The following ENTHD1 variants were observed in gnomAD, a reference collection of about 807,000 sequenced individuals.
ENTHD1 encodes the protein ENTH domain-containing protein 1.
Under a neutral mutation model 39.1 loss-of-function variants are expected in ENTHD1, and 23 were observed. The ratio of observed to expected loss-of-function variants is 0.59; its 90% CI spans 0.42 to 0.83. ENTHD1 has a LOEUF of 0.83. ENTHD1 is among the 40% of genes least tolerant of loss of function. ENTHD1 has a pLI of 0.00. For synonymous variants in ENTHD1, 230 were observed against 258.2 expected (o/e 0.89, Z 1.05); for missense variants, 624 against 705.4 (o/e 0.88, Z 1.31).
intron 5 of ENTHD1, among the ~76,000 whole-genome samples, chr22:39,801,288 T>C (rs1036963524): frequency 6.6e-6 from 1 of 152,226 alleles, no homozygotes; most frequent in African/African-American, 2.4e-5. Context: ...AGCTCTGTAA[T>C]TGCTGTAGTA....
chr22:39,747,372 G>A (rs1360306671), intron 6 of ENTHD1, among the ~76,000 whole-genome samples: 1 of 152,150 alleles, frequency 6.6e-6, no homozygotes, highest in African/African-American at 2.4e-5. Context: ...AAGGGAATCT[G>A]AAAGAGGCTA....
At chr22:39,875,870 C>T in intron 2 of ENTHD1, 1 of 1,613,962 alleles carries the variant, frequency 6.2e-7, no homozygotes, top group Non-Finnish European at 8.5e-7. Context: ...TGAATTATCA[C>T]AGTTGAGGGA....
At chr22:39,839,619 T>A (rs2065929610) in intron 3 of ENTHD1, among the ~76,000 whole-genome samples, 1 of 152,244 alleles carries the variant, frequency 6.6e-6, no homozygotes, top group East Asian at 1.9e-4. Flanking sequence ...AATGAGCTTA[T>A]TTGGGGCTTG....
At chr22:39,863,108 A>G (rs977657163) in intron 2 of ENTHD1, among the ~76,000 whole-genome samples, 1 of 152,140 alleles carries the variant, frequency 6.6e-6, no homozygotes, top group Non-Finnish European at 1.5e-5. Context: ...AGCCTCCAGA[A>G]CCATGAGAAA....
At chr22:39,820,389 C>T (rs1363107932) in intron 5 of ENTHD1, among the ~76,000 whole-genome samples, 1 of 152,132 alleles carries the variant, frequency 6.6e-6, no homozygotes, top group African/African-American at 2.4e-5. Context: ...GGCAGAAGAT[C>T]TTCCATTCTA....
At position 39,744,076 on chromosome 22, in the gene ENTHD1, C is replaced by G. The variant is rs776491903; in HGVS notation, c.1427G>C (p.Gly476Ala). Residue 476 changes from glycine (G) to alanine (A), a missense_variant, in exon 7 of 7, where the codon GGC (glycine) becomes GCC (alanine). Coordinates refer to ENST00000325157, the MANE Select transcript of ENTHD1 (RefSeq NM_152512.4). ...AKLHHSFASR[G>A]PVSSDVEEND... ...TTCCTCTACATCAGAAGACACTGGG[C>G]CCCTAGAAGCAAAGGAGTGATGCAG... The G allele has an allele frequency of 3.7e-6, 6 of 1,614,078 alleles. No homozygotes were observed. Among genetic ancestry groups the G allele is most frequent in the Non-Finnish European group, 5.1e-6 (6 of 1,179,966 alleles).
intron 5 of ENTHD1, among the ~76,000 whole-genome samples, chr22:39,776,722 G>A (rs1261283867): frequency 6.6e-6 from 1 of 152,182 alleles, no homozygotes; most frequent in Non-Finnish European, 1.5e-5. Flanking sequence ...AAGGACAAAA[G>A]AGAATAGCTA....
chr22:39,760,103 A>G (rs2065220130), intron 6 of ENTHD1, among the ~76,000 whole-genome samples: 1 of 152,042 alleles, frequency 6.6e-6, no homozygotes, highest in Admixed American at 6.5e-5. Flanking sequence ...AAAATAATGT[A>G]TTCTGCAGTG....
chr22:39,830,559 G>A (rs1019893782), intron 4 of ENTHD1, among the ~76,000 whole-genome samples: 14 of 152,046 alleles, frequency 9.2e-5, no homozygotes, highest in Non-Finnish European at 2.9e-5. Context: ...TTCCTTATAG[G>A]AATTCCAGCA....
At chr22:39,815,697 C>T (rs1180343346) in intron 5 of ENTHD1, among the ~76,000 whole-genome samples, 1 of 152,104 alleles carries the variant, frequency 6.6e-6, no homozygotes, top group African/African-American at 2.4e-5. Flanking sequence ...AATGCAAAAA[C>T]AGCATTGTTT....
rs140918120 is a variant in ENTHD1 at position 39,765,593 on chromosome 22, G to T, written c.849C>A (p.Leu283=). ...NLSGADAVPT[L]SENSPSGQRD... ...TCTGCCCAGAAGGACTATTTTCTGA[G>T]AGAGTAGGCACAGCATCTATAAAAG... is the stretch of plus-strand genomic sequence containing the variant. Residue 283 remains leucine (L), a synonymous_variant, in exon 6 of 7, where the codon CTC becomes CTA. Coordinates refer to ENST00000325157, the MANE Select transcript of ENTHD1 (RefSeq NM_152512.4). 13,323 of 1,611,890 alleles carry T rather than the reference G, an allele frequency of 8.3e-3. 75 individuals are homozygous for T. The highest frequency in any genetic ancestry group is 0.01 in the Non-Finnish European group (12,189 of 1,178,978).
chr22:39,877,111 G>T (rs1020028923), intron 2 of ENTHD1, among the ~76,000 whole-genome samples: 1 of 152,152 alleles, frequency 6.6e-6, no homozygotes, highest in Non-Finnish European at 1.5e-5. Context: ...GGTAACTATG[G>T]TGCCCACTCC....
At chr22:39,796,414 C>A (rs1569144210) in intron 5 of ENTHD1, among the ~76,000 whole-genome samples, 2 of 151,876 alleles carry the variant, frequency 1.3e-5, no homozygotes, top group Non-Finnish European at 2.9e-5. Context: ...TTGGGACCAC[C>A]ATGCCCAGCT....
At chr22:39,866,856 G>C (rs1415901479) in intron 2 of ENTHD1, among the ~76,000 whole-genome samples, 2 of 152,066 alleles carry the variant, frequency 1.3e-5, no homozygotes, top group African/African-American at 4.8e-5. Context: ...TTTATGAAAT[G>C]AATGAATATG....
At chr22:39,789,117 C>T (rs1408421353) in intron 5 of ENTHD1, among the ~76,000 whole-genome samples, 3 of 152,102 alleles carry the variant, frequency 2.0e-5, no homozygotes, top group Non-Finnish European at 2.9e-5. Flanking sequence ...TCTTATCTAT[C>T]CATCTACTGA....
At position 39,887,543 on chromosome 22, in the gene ENTHD1, C is replaced by T. The variant is rs774855734; in HGVS notation, c.206G>A (p.Arg69His). The change falls in exon 2 of 7, where the codon CGC becomes CAC. Residue 69 changes from arginine to histidine, a missense_variant. Transcript: ENST00000325157. ...HRLNDHGKNW[R>H]HVYKSLTLMD... Reference sequence around the variant, plus strand: ...TAGGGTAAGGGATTTATACACGTGGCGCCAGTTCTTCCCATGGTCATTGAG... The same window carrying T: ...TAGGGTAAGGGATTTATACACGTGGTGCCAGTTCTTCCCATGGTCATTGAG... 2.5e-4 allele frequency: 398 copies of T among 1,614,104 alleles called. 6 individuals are homozygous for T. In the South Asian group the frequency reaches 3.1e-3, roughly 13 times the overall value.
At chr22:39,746,846 C>T (rs1295913481) in intron 6 of ENTHD1, among the ~76,000 whole-genome samples, 1 of 152,150 alleles carries the variant, frequency 6.6e-6, no homozygotes, top group Non-Finnish European at 1.5e-5. Flanking sequence ...TACCTAGCAT[C>T]CCTCATTTCA....
intron 5 of ENTHD1, among the ~76,000 whole-genome samples, chr22:39,777,781 C>G (rs1404465998): frequency 2.0e-5 from 3 of 152,124 alleles, no homozygotes; most frequent in Non-Finnish European, 4.4e-5. Flanking sequence ...TAAGGTTCCA[C>G]CAATTATAAA....
At chr22:39,791,998 T>G (rs554877935) in intron 5 of ENTHD1, among the ~76,000 whole-genome samples, 1 of 152,318 alleles carries the variant, frequency 6.6e-6, no homozygotes, top group East Asian at 1.9e-4. Context: ...TTTGGTTTTC[T>G]GTTCCTGCAT....
Sources: gnomAD v4.1 joint callset for allele counts (sites outside exome capture counted in the v4.1 genomes callset) on GRCh38, gnomAD v4.1.1 for gene constraint, MANE v1.5 for transcripts, NCBI Gene and HGNC (gene_info 2026-07-23, HGNC 2026-07-21) for gene names.